ADAMTS12: variants seen among roughly 807,000 people sequenced by gnomAD.
ADAMTS12 encodes the protein ADAM metallopeptidase with thrombospondin type 1 motif 12.
ADAMTS12 carries 118 observed loss-of-function variants against 167.8 expected under a neutral mutation model. The observed-to-expected ratio is 0.70, with a 90% confidence interval of 0.61 to 0.82. The LOEUF (loss-of-function observed/expected upper bound fraction) is 0.82, where lower values mean the gene tolerates loss of function less well. Ranked by LOEUF, ADAMTS12 falls within the 40% of genes least tolerant of loss-of-function variation. The pLI is 0.00. For missense variants in ADAMTS12, 1,916 were observed against 1,998.8 expected (o/e 0.96, Z 0.79); for synonymous variants, 704 against 716.9 (o/e 0.98, Z 0.29).
intron 19 of ADAMTS12, among the ~76,000 whole-genome samples, chr5:33,562,464 C>A (rs1465723328): frequency 6.6e-6 from 1 of 152,006 alleles, no homozygotes; most frequent in Admixed American, 6.6e-5. Context: ...CTCTCCCCTG[C>A]TCATCCTCAC....
rs922030518 is a variant in ADAMTS12 at position 33,524,914 on chromosome 5, C to G, written c.*2274G>C. Reference sequence around the variant, plus strand: ...CACATGTCTACCATCTTCTCCACCACGTGGATTGTAAATAACGTGGTCCAT... The same window carrying G: ...CACATGTCTACCATCTTCTCCACCAGGTGGATTGTAAATAACGTGGTCCAT... On this transcript the variant is annotated 3_prime_UTR_variant, in exon 24 of 24. Coordinates refer to ENST00000504830, the MANE Select transcript of ADAMTS12 (RefSeq NM_030955.4). 6.6e-6 allele frequency: 1 copy of G among 152,216 alleles called. No individual in the cohort carries two copies. Among genetic ancestry groups the G allele is most frequent in the Non-Finnish European group, 1.5e-5 (1 of 68,042 alleles). The allele number at this position is 152,216 out of a possible 1,614,324, so 9.4% of individuals were successfully genotyped here.
intron 3 of ADAMTS12, among the ~76,000 whole-genome samples, chr5:33,722,309 G>C (rs879797198): frequency 6.6e-6 from 1 of 152,096 alleles, no homozygotes; most frequent in Non-Finnish European, 1.5e-5. Flanking sequence ...TACTGACCCT[G>C]TATTGTGTTA....
chr5:33,781,410 A>G (rs1201164215), intron 2 of ADAMTS12, among the ~76,000 whole-genome samples: 1 of 152,298 alleles, frequency 6.6e-6, no homozygotes, highest in African/African-American at 2.4e-5. Context: ...GCCTGTTCTG[A>G]TTCAGAATAT....
chr5:33,760,898 T>TGTGTGTGTGTGTGTGTGTGTGC (rs1429774544), intron 2 of ADAMTS12, among the ~76,000 whole-genome samples: 7 of 151,174 alleles, frequency 4.6e-5, no homozygotes, highest in Non-Finnish European at 8.8e-5. Context: ...TGTGTGTGTG[T>TGTGTGTGTGTGTGTGTGTGTGC]GTGTGTGTGT....
At chr5:33,721,249 T>G (rs547795386) in intron 3 of ADAMTS12, among the ~76,000 whole-genome samples, 7 of 152,208 alleles carry the variant, frequency 4.6e-5, no homozygotes, top group Non-Finnish European at 8.8e-5. Context: ...GAGAGTCTTC[T>G]GGGAGCTTGT....
At chr5:33,820,558 G>A (rs1561289656) in intron 2 of ADAMTS12, among the ~76,000 whole-genome samples, 1 of 152,054 alleles carries the variant, frequency 6.6e-6, no homozygotes, top group African/African-American at 2.4e-5. Flanking sequence ...AACTGAAGTC[G>A]GTTTTGACTG....
At chr5:33,707,894 A>G (rs1743257108) in intron 3 of ADAMTS12, among the ~76,000 whole-genome samples, 1 of 152,222 alleles carries the variant, frequency 6.6e-6, no homozygotes, top group South Asian at 2.1e-4. Context: ...AGGCATGGAC[A>G]AAGTCTTCAT....
intron 21 of ADAMTS12, among the ~76,000 whole-genome samples, chr5:33,548,765 A>G (rs1010029905): frequency 3.3e-5 from 5 of 151,996 alleles, no homozygotes; most frequent in African/African-American, 1.2e-4. Flanking sequence ...GCTGTAAGAG[A>G]TGAAACTCTA....
intron 3 of ADAMTS12, among the ~76,000 whole-genome samples, chr5:33,708,737 G>A (rs2112312299): frequency 6.6e-6 from 1 of 152,176 alleles, no homozygotes; most frequent in South Asian, 2.1e-4. Context: ...ATAAGTGGGA[G>A]TTGAATAATG....
At position 33,574,229 on chromosome 5, in the gene ADAMTS12, C is replaced by G. The variant is rs574107283; in HGVS notation, c.3972+1825G>C. Among the ~76,000 whole-genome samples, 501 of 152,030 alleles carry G rather than the reference C, an allele frequency of 3.3e-3. 3 individuals are homozygous for G. The highest frequency in any genetic ancestry group is 0.012 in the African/African-American group (491 of 41,436). On this transcript the variant is annotated intron_variant, in intron 19 of 23. Coordinates refer to ENST00000504830, the MANE Select transcript of ADAMTS12 (RefSeq NM_030955.4). ...CTAGAACTAGAAATACCATTTGACC[C>G]AGCAATCCCATTACTGGGTATATAC...
intron 9 of ADAMTS12, 73 bp downstream of exon 9, chr5:33,648,749 T>C (rs1385140553): frequency 6.4e-7 from 1 of 1,567,440 alleles, no homozygotes; most frequent in Non-Finnish European, 8.7e-7. Flanking sequence ...TATTTCCAAA[T>C]ATTGTCCTGG....
intron 12 of ADAMTS12, among the ~76,000 whole-genome samples, chr5:33,634,259 G>C (rs1939176240): frequency 2.0e-5 from 3 of 152,132 alleles, no homozygotes; most frequent in Admixed American, 1.3e-4. Context: ...CACAGGCAGG[G>C]CTTCGTGGGC....
At chr5:33,706,598 CTT>C (rs1197566482) in intron 3 of ADAMTS12, among the ~76,000 whole-genome samples, 1 of 152,174 alleles carries the variant, frequency 6.6e-6, no homozygotes, top group Admixed American at 6.5e-5. Context: ...GGTCTTGACT[CTT>C]TATCCAATTT....
chr5:33,640,196 G>A (rs927893430), intron 11 of ADAMTS12, among the ~76,000 whole-genome samples: 11 of 152,200 alleles, frequency 7.2e-5, no homozygotes, highest in African/African-American at 2.4e-4. Flanking sequence ...CTATGATGCG[G>A]TGCCATTGGC....
At chr5:33,541,913 GGAA>G (rs201265480) in intron 22 of ADAMTS12, among the ~76,000 whole-genome samples, 4,742 of 152,236 alleles carry the variant, frequency 0.031, 271 homozygotes, top group African/African-American at 0.11. Flanking sequence ...ATCAATGCTA[GGAA>G]GAAACTGCAT....
chr5:33,569,430 G>A (rs566007727), intron 19 of ADAMTS12, among the ~76,000 whole-genome samples: 29 of 152,290 alleles, frequency 1.9e-4, no homozygotes, highest in African/African-American at 4.1e-4. Flanking sequence ...AGCAGCATTC[G>A]TGGATCACGA....
At chr5:33,781,876 G>A (rs1380006420) in intron 2 of ADAMTS12, among the ~76,000 whole-genome samples, 2 of 145,358 alleles carry the variant, frequency 1.4e-5, no homozygotes, top group African/African-American at 5.1e-5. Flanking sequence ...AGAGTGTGAT[G>A]TTCCCCTTCC....
intron 2 of ADAMTS12, 31 bp downstream of exon 2, chr5:33,881,088 A>G: frequency 6.2e-7 from 1 of 1,603,996 alleles, no homozygotes; most frequent in Non-Finnish European, 8.5e-7. Flanking sequence ...GGGCCAGGGC[A>G]GAGGAAGGAG....
intron 2 of ADAMTS12, among the ~76,000 whole-genome samples, chr5:33,843,559 A>C (rs886791291): frequency 6.6e-6 from 1 of 152,234 alleles, no homozygotes; most frequent in Non-Finnish European, 1.5e-5. Flanking sequence ...ACTAAGGAGA[A>C]TGAAAGCCAG....
Sources: gnomAD v4.1 joint callset for allele counts (sites outside exome capture counted in the v4.1 genomes callset) on GRCh38, gnomAD v4.1.1 for gene constraint, MANE v1.5 for transcripts, NCBI Gene and HGNC (gene_info 2026-07-23, HGNC 2026-07-21) for gene names.